The following LY75 variants were observed in gnomAD, a reference collection of about 807,000 sequenced individuals.
LY75 encodes lymphocyte antigen 75.
In LY75, 185 loss-of-function variants were observed where a neutral mutation model predicts 231.7. The ratio of observed to expected loss-of-function variants is 0.80; its 90% confidence interval spans 0.71 to 0.90. The LOEUF is 0.90. Ranked by LOEUF, LY75 falls within the 40% of genes least tolerant of loss-of-function variation. The pLI is 0.00. For synonymous variants in LY75, 668 were observed against 689.0 expected (o/e 0.97, Z 0.48); for missense variants, 1,947 against 2,050.2 (o/e 0.95, Z 0.97).
At chr2:159,853,766 T>G in intron 18 of LY75, 69 bp from the exon 19 acceptor site, 2 of 1,598,504 alleles carry the variant, frequency 1.3e-6, no homozygotes, top group Non-Finnish European at 1.7e-6. Context: ...TTCGAATACA[T>G]TGTCTTACTA....
chr2:159,837,360 G>A (rs1182669779), intron 25 of LY75, among the ~76,000 whole-genome samples: 1 of 152,198 alleles, frequency 6.6e-6, no homozygotes, highest in East Asian at 1.9e-4. Flanking sequence ...GTAGCTGGAG[G>A]ACATTATCCT....
intron 21 of LY75, among the ~76,000 whole-genome samples, chr2:159,850,853 ATAT>A (rs1684382404): frequency 2.1e-5 from 3 of 141,436 alleles, no homozygotes; most frequent in Non-Finnish European, 4.5e-5. Flanking sequence ...TATATATTTT[ATAT>A]TATATCTTTA....
At chr2:159,834,348 T>C (rs969029090) in intron 26 of LY75, 137 bp from the exon 27 acceptor site, 1 of 1,123,570 alleles carries the variant, frequency 8.9e-7, no homozygotes, top group African/African-American at 1.6e-5. Context: ...TCTCTGTTTA[T>C]ACTCAGATAT....
intron 6 of LY75, 128 bp from the exon 7 acceptor site, chr2:159,882,443 G>A (rs1271550727): frequency 7.7e-7 from 1 of 1,298,506 alleles, no homozygotes; most frequent in Non-Finnish European, 1.0e-6. Flanking sequence ...AGATGCTACG[G>A]TGACATGAAT....
rs538861173 is a variant in LY75 at position 159,860,671 on chromosome 2, C to G, written c.2268+150G>C. The G allele has an allele frequency of 2.8e-4, 228 of 804,562 alleles. No homozygotes were observed. In the African/African-American group the frequency reaches 3.2e-3, roughly 11 times the overall value. 49.8% of individuals were successfully genotyped at this position (804,562 alleles called of 1,614,324 possible). On this transcript the variant is annotated intron_variant, in intron 15 of 34. Transcript: ENST00000263636. Reference sequence around the variant, plus strand: ...CCTCTCAAATGAAGTGTAAGTTAGGCTGCTGAGGGCCAGGCCATGGGTGTG... The same window carrying G: ...CCTCTCAAATGAAGTGTAAGTTAGGGTGCTGAGGGCCAGGCCATGGGTGTG...
intron 23 of LY75, among the ~76,000 whole-genome samples, chr2:159,846,870 C>T (rs4665124): frequency 0.71 from 107,508 of 151,976 alleles, 38,530 homozygotes; most frequent in African/African-American, 0.74. Context: ...TGATGAACTA[C>T]GAATGATTAT....
chr2:159,858,127 T>C (rs1285402757), intron 16 of LY75, among the ~76,000 whole-genome samples: 2 of 152,212 alleles, frequency 1.3e-5, no homozygotes, highest in East Asian at 3.8e-4. Flanking sequence ...CCTCACATTT[T>C]ATCTTCTATG....
At chr2:159,867,058 C>T (rs1184613448) in intron 13 of LY75, among the ~76,000 whole-genome samples, 2 of 152,146 alleles carry the variant, frequency 1.3e-5, no homozygotes, top group East Asian at 3.8e-4. Flanking sequence ...CCTCAGAGGA[C>T]AGCTTCCTAC....
At chr2:159,902,059 G>A (rs1686099309) in intron 1 of LY75, among the ~76,000 whole-genome samples, 1 of 152,124 alleles carries the variant, frequency 6.6e-6, no homozygotes, top group Admixed American at 6.6e-5. Flanking sequence ...TGGTACAGAA[G>A]GGCATATAAG....
At chr2:159,823,970 A>T (rs1683380457) in intron 28 of LY75, among the ~76,000 whole-genome samples, 1 of 152,248 alleles carries the variant, frequency 6.6e-6, no homozygotes, top group Non-Finnish European at 1.5e-5. Context: ...GGAAAGGAAA[A>T]ACCGGTACCA....
At chr2:159,864,339 C>A (rs927616587) in intron 14 of LY75, among the ~76,000 whole-genome samples, 1 of 152,068 alleles carries the variant, frequency 6.6e-6, no homozygotes, top group Non-Finnish European at 1.5e-5. Flanking sequence ...GAGCTTTCCC[C>A]CTGTGTTTTC....
chr2:159,805,180 C>A lies in LY75; in HGVS notation c.5033G>T (p.Ser1678Ile), dbSNP rs749356805. The change falls in exon 35 of 35, where the codon AGT (serine) becomes ATT (isoleucine). Residue 1678 changes from serine to isoleucine, a missense_variant. By Grantham distance (142) the Ser-to-Ile change is moderately radical. Coordinates refer to ENST00000263636, the MANE Select transcript of LY75 (RefSeq NM_002349.4). ...TAIAIIVATL[S>I]ILVLMGGLIW... is the part of the protein sequence containing the mutation. Reference sequence around the variant, plus strand: ...CAGTCCGCCCATGAGAACTAAGATACTTAGTGTGGCAACTATGATAGCTAT... The same window carrying A: ...CAGTCCGCCCATGAGAACTAAGATAATTAGTGTGGCAACTATGATAGCTAT... The A allele has an allele frequency of 3.1e-6, 5 of 1,614,088 alleles. No individual in the cohort carries two copies. The South Asian group carries it at 5.5e-5, about 18-fold the overall frequency.
rs1405443393 is a variant in LY75, at chr2:159,883,334, T to C, written c.1055-1019A>G. ...ACAGTTTGTTTTTTTTACTAAAGGATAAAGTGATTCAGATTCAGCTAGCCT... is the reference window on the plus strand; with the variant it reads ...ACAGTTTGTTTTTTTTACTAAAGGACAAAGTGATTCAGATTCAGCTAGCCT... On this transcript the variant is annotated intron_variant, in intron 6 of 34. Transcript: ENST00000263636. 2.0e-5 allele frequency among the ~76,000 whole-genome samples: 3 copies of C among 151,734 alleles called. No homozygotes were observed. The East Asian group carries it at 5.8e-4, about 29-fold the overall frequency.
intron 3 of LY75, among the ~76,000 whole-genome samples, chr2:159,892,678 G>A (rs900244269): frequency 5.9e-5 from 9 of 152,244 alleles, no homozygotes; most frequent in Admixed American, 6.5e-5. Context: ...GTCAGGTACC[G>A]TGATCCCCTG....
chr2:159,879,303 T>A lies in LY75; in HGVS notation c.1471A>T (p.Lys491Ter). 1.2e-6 allele frequency: 2 copies of A among 1,613,822 alleles called. No individual in the cohort carries two copies. The highest frequency in any genetic ancestry group is 1.7e-6 in the Non-Finnish European group (2 of 1,179,902). The change falls in exon 9 of 35, where the codon AAA (lysine) becomes TAA (stop). Residue 491 changes from lysine (K) to a stop codon, truncating the protein, a stop_gained. Coordinates refer to ENST00000263636, the MANE Select transcript of LY75 (RefSeq NM_002349.4). LOFTEE classifies it high-confidence loss of function. ...LKYVCKRKGE[K>*]LNDASSDKMC... ...TTATCAGAACTTGCGTCATTCAGTT[T>A]TTCTCCCTTTCTCTTGCATACATAT...
chr2:159,892,162 T>C (rs1417211747), intron 3 of LY75, among the ~76,000 whole-genome samples: 1 of 152,198 alleles, frequency 6.6e-6, no homozygotes, highest in Non-Finnish European at 1.5e-5. Flanking sequence ...ATCTGTGTTC[T>C]AACAAACTCT....
intron 13 of LY75, among the ~76,000 whole-genome samples, chr2:159,865,698 C>T (rs1047239026): frequency 3.3e-5 from 5 of 152,122 alleles, no homozygotes; most frequent in African/African-American, 1.2e-4. Flanking sequence ...TGAAGAAAGA[C>T]TTTGTGAGGT....
intron 25 of LY75, among the ~76,000 whole-genome samples, chr2:159,837,502 G>A (rs1683870280): frequency 6.6e-6 from 1 of 152,152 alleles, no homozygotes; most frequent in East Asian, 1.9e-4. Context: ...AGTGGGGAGG[G>A]AGTGGAGCAA....
rs1683807266 is a variant in LY75 at position 159,835,854 on chromosome 2, A to G, written c.3508-209T>C. ...GTAACAACCATATAGGAGAGGTACT[A>G]TTATTATCTCCATTTTAAAGATGAG... is the stretch of plus-strand genomic sequence containing the variant. On this transcript the variant is annotated intron_variant, in intron 25 of 34. Transcript: ENST00000263636. Among the ~76,000 whole-genome samples the G allele has an allele frequency of 2.0e-5, 3 of 152,318 alleles. No individual in the cohort carries two copies. In the South Asian group the frequency reaches 6.2e-4, roughly 32 times the overall value.
Sources: allele counts gnomAD v4.1 joint callset (sites outside exome capture counted in the v4.1 genomes callset), GRCh38; gene constraint gnomAD v4.1.1; transcripts MANE v1.5; gene names NCBI Gene and HGNC (gene_info 2026-07-23, HGNC 2026-07-21).